Variants in PCDH15 observed in about 807,000 individuals in gnomAD.
PCDH15 encodes protocadherin-15.
PCDH15 carries 129 observed loss-of-function variants against 178.5 expected under a neutral mutation model. That is an observed-to-expected ratio of 0.72 (90% CI 0.63 to 0.84). The LOEUF is 0.84. Ranked by LOEUF, PCDH15 falls within the 40% of genes least tolerant of loss-of-function variation. PCDH15 has a pLI of 0.00. For missense variants in PCDH15, 2,230 were observed against 2,099.9 expected, an observed-to-expected ratio of 1.06 and a Z score of -1.21; for synonymous variants, 800 against 732.0, an observed-to-expected ratio of 1.09 and a Z score of -1.50.
At chr10:54,929,390 C>T (rs924278797) in intron 2 of PCDH15, among the ~76,000 whole-genome samples, 8 of 152,070 alleles carry the variant, frequency 5.3e-5, no homozygotes, top group South Asian at 2.1e-4. Context: ...GTGGGGTGCA[C>T]GATCATCAGC....
At chr10:55,426,245 G>A (rs1487801215) in intron 2 of PCDH15, among the ~76,000 whole-genome samples, 1 of 152,190 alleles carries the variant, frequency 6.6e-6, no homozygotes, top group Non-Finnish European at 1.5e-5. Flanking sequence ...CGTGAAGGTA[G>A]TGCCGGGTTT....
rs188537812 is a variant in PCDH15, at chr10:55,532,337, A to C, written c.-156+95288T>G. Among the ~76,000 whole-genome samples, 4 of 152,132 alleles carry C rather than the reference A, an allele frequency of 2.6e-5. No homozygotes were observed. In the East Asian group the frequency reaches 7.7e-4, roughly 29 times the overall value. The stretch of plus-strand genomic sequence containing the variant: ...CTCTAAACATCTTAATACTTGGTGA[A>C]ACTTGTTTCACAATCTTTTCTGCTT... On this transcript the variant is annotated intron_variant, in intron 2 of 5. Transcript: ENST00000613346.
chr10:55,509,760 G>C (rs1396171194), intron 2 of PCDH15, among the ~76,000 whole-genome samples: 1 of 151,702 alleles, frequency 6.6e-6, no homozygotes, highest in African/African-American at 2.4e-5. Context: ...TTTTAAACTT[G>C]CAGAAAATTG....
chr10:54,757,996 C>G (rs1947386591), intron 1 of PCDH15, among the ~76,000 whole-genome samples: 1 of 152,006 alleles, frequency 6.6e-6, no homozygotes, highest in Non-Finnish European at 1.5e-5. Flanking sequence ...GCTTTTCTTT[C>G]CCTTGTAATC....
intron 2 of PCDH15, among the ~76,000 whole-genome samples, chr10:55,336,953 C>T (rs189219018): frequency 8.9e-4 from 135 of 152,196 alleles, no homozygotes; most frequent in African/African-American, 3.0e-3. Context: ...AGTTTAGCAG[C>T]ACCATTGGCC....
intron 15 of PCDH15, among the ~76,000 whole-genome samples, chr10:54,108,244 A>C (rs2094952385): frequency 6.6e-6 from 1 of 152,106 alleles, no homozygotes; most frequent in Non-Finnish European, 1.5e-5. Context: ...ATAGGAAAGA[A>C]AGTCTTGAAT....
At chr10:54,445,216 G>A (rs545354877) in intron 3 of PCDH15, among the ~76,000 whole-genome samples, 5 of 151,194 alleles carry the variant, frequency 3.3e-5, no homozygotes, top group Non-Finnish European at 7.4e-5. Context: ...TGCTATGAAA[G>A]TGTATGTAAA....
intron 3 of PCDH15, among the ~76,000 whole-genome samples, chr10:54,493,191 T>C (rs1263385494): frequency 6.6e-6 from 1 of 151,992 alleles, no homozygotes; most frequent in Non-Finnish European, 1.5e-5. Flanking sequence ...TATATAAGTA[T>C]AGGAAAAATG....
chr10:54,458,418 G>C (rs1034464572), intron 3 of PCDH15, among the ~76,000 whole-genome samples: 4 of 152,034 alleles, frequency 2.6e-5, no homozygotes, highest in African/African-American at 9.7e-5. Flanking sequence ...TTAACTTAAT[G>C]GCAGTTATCT....
chr10:53,991,293 G>A (rs899795612), intron 21 of PCDH15, among the ~76,000 whole-genome samples: 3 of 152,202 alleles, frequency 2.0e-5, no homozygotes, highest in Admixed American at 6.5e-5. Flanking sequence ...GTGGGGACTT[G>A]GAGAACTTTT....
At chr10:54,200,066 C>G (rs115594232) in intron 10 of PCDH15, among the ~76,000 whole-genome samples, 1,597 of 152,210 alleles carry the variant, frequency 0.01, 22 homozygotes, top group African/African-American at 0.036. Context: ...ACTGAGACTA[C>G]AGAATAACTT....
chr10:54,228,415 C>T (rs1025051742), intron 9 of PCDH15, among the ~76,000 whole-genome samples: 4 of 152,092 alleles, frequency 2.6e-5, no homozygotes, highest in Middle Eastern at 3.2e-3. Context: ...AGACTTGGCC[C>T]CATTATTCAA....
chr10:55,574,241 T>C (rs936991264), intron 2 of PCDH15, among the ~76,000 whole-genome samples: 2 of 152,034 alleles, frequency 1.3e-5, no homozygotes, highest in Non-Finnish European at 2.9e-5. Context: ...ACATACCATA[T>C]ATACAATATG....
chr10:54,839,837 G>A (rs963238381), intron 3 of PCDH15, among the ~76,000 whole-genome samples: 1 of 151,936 alleles, frequency 6.6e-6, no homozygotes, highest in Non-Finnish European at 1.5e-5. Context: ...AGCCTTGCAG[G>A]TCATGAAAGA....
At chr10:54,761,903 G>A (rs1425667542) in intron 1 of PCDH15, among the ~76,000 whole-genome samples, 1 of 151,894 alleles carries the variant, frequency 6.6e-6, no homozygotes, top group Non-Finnish European at 1.5e-5. Context: ...AGTATTCTGG[G>A]GAATAGATAT....
At chr10:53,918,205 A>G (rs2083689631) in intron 25 of PCDH15, among the ~76,000 whole-genome samples, 1 of 152,192 alleles carries the variant, frequency 6.6e-6, no homozygotes, top group African/African-American at 2.4e-5. Context: ...GTTTCTCTAC[A>G]TTAGACATTT....
At chr10:55,225,046 T>C (rs910761866) in intron 1 of PCDH15, among the ~76,000 whole-genome samples, 2 of 152,138 alleles carry the variant, frequency 1.3e-5, no homozygotes, top group African/African-American at 2.4e-5. Context: ...AACAATCTTG[T>C]TTCTTGTCTT....
intron 14 of PCDH15, among the ~76,000 whole-genome samples, chr10:54,148,133 A>T (rs1424734299): frequency 1.3e-5 from 2 of 152,100 alleles, no homozygotes; most frequent in Non-Finnish European, 2.9e-5. Flanking sequence ...CCTAGCACAG[A>T]TGAAGCTATT....
In PCDH15 at chr10:54,317,406, G is replaced by C. The variant is rs866392811; in HGVS notation, c.741C>G (p.Thr247=). ...RAQNLNERRT[T]TTTLTVDVLD... ...GAACATCCACTGTGAGAGTGGTGGT[G>C]GTGGTTCGCCTCTCATTCAGATTTT... is the stretch of plus-strand genomic sequence containing the variant. The change falls in exon 8 of 38, where the codon ACC becomes ACG. Residue 247 remains threonine, a synonymous_variant. Transcript: ENST00000644397. 1.2e-6 allele frequency: 2 copies of C among 1,613,934 alleles called. No homozygotes were observed. The highest frequency in any genetic ancestry group is 1.7e-6 in the Non-Finnish European group (2 of 1,179,914).
Sources: gnomAD v4.1 joint callset for allele counts (sites outside exome capture counted in the v4.1 genomes callset) on GRCh38, gnomAD v4.1.1 for gene constraint, MANE v1.5 for transcripts, NCBI Gene and HGNC (gene_info 2026-07-23, HGNC 2026-07-21) for gene names.